Variants in DSCAM observed in about 807,000 individuals in gnomAD.
The protein encoded by DSCAM is DS cell adhesion molecule.
In DSCAM, 47 loss-of-function variants were observed where a neutral mutation model predicts 217.7. That is an observed-to-expected ratio of 0.22 (90% confidence interval 0.17 to 0.28). DSCAM has a LOEUF of 0.28. Ranked by LOEUF, DSCAM falls within the 10% of genes least tolerant of loss-of-function variation. The pLI is 1.00. For missense variants in DSCAM, 2,080 were observed against 2,618.3 expected (o/e 0.79, Z 4.49); for synonymous variants, 1,056 against 1,015.3 (o/e 1.04, Z -0.76).
chr21:40,275,732 G>A (rs1298942290), intron 11 of DSCAM, among the ~76,000 whole-genome samples: 1 of 152,168 alleles, frequency 6.6e-6, no homozygotes, highest in Admixed American at 6.5e-5. Context: ...CTGAGACCAT[G>A]TATTGAGTTT....
chr21:40,567,221 C>T (rs1431076393), intron 3 of DSCAM, among the ~76,000 whole-genome samples: 1 of 152,206 alleles, frequency 6.6e-6, no homozygotes, highest in Non-Finnish European at 1.5e-5. Flanking sequence ...AGACACTGAA[C>T]TTACTGTGCC....
chr21:40,516,609 C>G (rs2076301504), intron 3 of DSCAM, among the ~76,000 whole-genome samples: 1 of 152,092 alleles, frequency 6.6e-6, no homozygotes, highest in Non-Finnish European at 1.5e-5. Context: ...AATGTACCTG[C>G]AGAATGTGAA....
chr21:40,311,529 T>C (rs987040159), intron 9 of DSCAM, among the ~76,000 whole-genome samples: 2 of 152,216 alleles, frequency 1.3e-5, no homozygotes, highest in African/African-American at 2.4e-5. Context: ...TACCATACTC[T>C]GCTTAATTTT....
intron 32 of DSCAM, among the ~76,000 whole-genome samples, chr21:40,042,153 C>G (rs2088762932): frequency 6.6e-6 from 1 of 152,144 alleles, no homozygotes; most frequent in South Asian, 2.1e-4. Flanking sequence ...CAGCATGGTA[C>G]CCTCACTAGG....
At chr21:40,717,658 A>G (rs780004153) in intron 1 of DSCAM, among the ~76,000 whole-genome samples, 1 of 152,220 alleles carries the variant, frequency 6.6e-6, no homozygotes, top group Non-Finnish European at 1.5e-5. Flanking sequence ...TATGGTTAGG[A>G]CTGGGTAACG....
intron 3 of DSCAM, among the ~76,000 whole-genome samples, chr21:40,582,531 G>C (rs2076913596): frequency 6.6e-6 from 1 of 152,098 alleles, no homozygotes. Context: ...CATAGCTTTT[G>C]TAACAATTCC....
intron 27 of DSCAM, among the ~76,000 whole-genome samples, chr21:40,065,581 G>A (rs1284891102): frequency 6.6e-6 from 1 of 152,156 alleles, no homozygotes; most frequent in Non-Finnish European, 1.5e-5. Flanking sequence ...TGAATCCAGA[G>A]CTGGGGCCAC....
intron 3 of DSCAM, among the ~76,000 whole-genome samples, chr21:40,496,444 A>G (rs935724951): frequency 6.6e-6 from 1 of 152,232 alleles, no homozygotes; most frequent in African/African-American, 2.4e-5. Flanking sequence ...TCTTAAATAA[A>G]TGGTTCTGGG....
chr21:40,056,743 C>T (rs1468285541), intron 28 of DSCAM, among the ~76,000 whole-genome samples: 2 of 152,196 alleles, frequency 1.3e-5, no homozygotes, highest in Non-Finnish European at 2.9e-5. Flanking sequence ...TCTATGGCAT[C>T]CATCAATCCA....
intron 3 of DSCAM, among the ~76,000 whole-genome samples, chr21:40,477,509 A>G (rs914373798): frequency 3.3e-5 from 5 of 152,204 alleles, no homozygotes; most frequent in African/African-American, 1.2e-4. Context: ...TGAGTCATCT[A>G]TAATTATTTC....
chr21:40,469,834 A>G (rs2075873745), intron 3 of DSCAM, among the ~76,000 whole-genome samples: 1 of 152,244 alleles, frequency 6.6e-6, no homozygotes, highest in Non-Finnish European at 1.5e-5. Flanking sequence ...TTATAACCAT[A>G]TGACATTAAA....
At chr21:40,465,468 G>A (rs2075837027) in intron 3 of DSCAM, among the ~76,000 whole-genome samples, 1 of 152,126 alleles carries the variant, frequency 6.6e-6, no homozygotes, top group Non-Finnish European at 1.5e-5. Flanking sequence ...TAAATCACCT[G>A]TTCAAATGGA....
intron 31 of DSCAM, among the ~76,000 whole-genome samples, chr21:40,043,069 G>A (rs1191603256): frequency 1.3e-5 from 2 of 152,228 alleles, no homozygotes; most frequent in Non-Finnish European, 2.9e-5. Flanking sequence ...GATTTGAGCT[G>A]CAGTTCAGCT....
chr21:40,338,711 T>C (rs536680322), intron 7 of DSCAM, among the ~76,000 whole-genome samples: 22 of 152,288 alleles, frequency 1.4e-4, no homozygotes, highest in African/African-American at 2.6e-4. Context: ...CTGGCAGCAA[T>C]TGATCAATTG....
intron 3 of DSCAM, among the ~76,000 whole-genome samples, chr21:40,411,119 A>T (rs932834326): frequency 6.6e-6 from 1 of 151,828 alleles, no homozygotes; most frequent in Admixed American, 6.6e-5. Flanking sequence ...CTGTAATAAG[A>T]TTCAACAATA....
intron 3 of DSCAM, among the ~76,000 whole-genome samples, chr21:40,595,812 C>T (rs1022304201): frequency 6.6e-6 from 1 of 152,206 alleles, no homozygotes; most frequent in African/African-American, 2.4e-5. Flanking sequence ...TGTAGCATTA[C>T]TACAGTCTTT....
chr21:40,616,885 C>T (rs2089402539), intron 3 of DSCAM, among the ~76,000 whole-genome samples: 2 of 150,806 alleles, frequency 1.3e-5, no homozygotes, highest in South Asian at 2.1e-4. Flanking sequence ...GGCGTAGTGG[C>T]GGGCGCCTGT....
At chr21:40,090,387 G>A (rs1045434811) in intron 21 of DSCAM, among the ~76,000 whole-genome samples, 2 of 151,966 alleles carry the variant, frequency 1.3e-5, no homozygotes, top group African/African-American at 2.4e-5. Context: ...CAGTCAGCCT[G>A]CCCCTCACCT....
chr21:40,347,607 C>T, intron 6 of DSCAM, 63 bp downstream of exon 6: 1 of 1,601,074 alleles, frequency 6.2e-7, no homozygotes, highest in Non-Finnish European at 8.5e-7. Flanking sequence ...CTGTCTTCTT[C>T]TTTTCTGAGT....
Sources: allele counts gnomAD v4.1 joint callset (sites outside exome capture counted in the v4.1 genomes callset), GRCh38; gene constraint gnomAD v4.1.1; transcripts MANE v1.5; gene names NCBI Gene and HGNC (gene_info 2026-07-23, HGNC 2026-07-21).